TUNAR: variants seen among roughly 807,000 people sequenced by gnomAD.
The protein encoded by TUNAR is protein TUNAR.
intron 2 of TUNAR, among the ~76,000 whole-genome samples, chr14:95,921,793 T>G (rs1169173866): frequency 6.6e-6 from 1 of 152,250 alleles, no homozygotes; most frequent in East Asian, 1.9e-4. Context: ...AATAGATGAC[T>G]TGGTTTTGCC....
At chr14:95,911,412 C>T (rs192465192) in intron 2 of TUNAR, among the ~76,000 whole-genome samples, 3 of 152,270 alleles carry the variant, frequency 2.0e-5, no homozygotes, top group Admixed American at 1.3e-4. Flanking sequence ...TTGTGTTTTC[C>T]GTTCACTGGG....
chr14:95,896,287 G>A (rs1889267780), intron 2 of TUNAR, among the ~76,000 whole-genome samples: 1 of 152,198 alleles, frequency 6.6e-6, no homozygotes, highest in Admixed American at 6.5e-5. Context: ...CAGGCAGGGT[G>A]TCAGGGTGTC....
chr14:95,904,237 G>C (rs916340164), intron 2 of TUNAR, among the ~76,000 whole-genome samples: 1 of 152,190 alleles, frequency 6.6e-6, no homozygotes, highest in Non-Finnish European at 1.5e-5. Flanking sequence ...GGCTCCTGTG[G>C]GGGGGCCTGG....
chr14:95,891,007 C>T (rs1003263115), intron 2 of TUNAR, among the ~76,000 whole-genome samples: 11 of 152,242 alleles, frequency 7.2e-5, no homozygotes, highest in Middle Eastern at 6.8e-3. Context: ...AGAATCGACC[C>T]GTGTCTGGAG....
chr14:95,919,944 C>G (rs1052719606), intron 2 of TUNAR, among the ~76,000 whole-genome samples: 2 of 151,926 alleles, frequency 1.3e-5, no homozygotes, highest in Non-Finnish European at 2.9e-5. Context: ...TATGCTTGCC[C>G]GAATATATAT....
intron 2 of TUNAR, among the ~76,000 whole-genome samples, chr14:95,882,157 A>C (rs191335166): frequency 1.0e-3 from 154 of 152,354 alleles, no homozygotes; most frequent in Non-Finnish European, 1.9e-3. Context: ...TTGGTAAATG[A>C]GGAATAACAT....
chr14:95,919,013 T>C (rs1419356677), intron 2 of TUNAR, among the ~76,000 whole-genome samples: 1 of 152,170 alleles, frequency 6.6e-6, no homozygotes, highest in Non-Finnish European at 1.5e-5. Flanking sequence ...TTGCAGTCTT[T>C]CTAAGACGAC....
intron 2 of TUNAR, among the ~76,000 whole-genome samples, chr14:95,903,024 C>T (rs1313954425): frequency 6.6e-6 from 1 of 152,114 alleles, no homozygotes; most frequent in Non-Finnish European, 1.5e-5. Context: ...ATGATTGTTT[C>T]CCATTGAATC....
chr14:95,906,382 A>G (rs1385462791), intron 2 of TUNAR, among the ~76,000 whole-genome samples: 1 of 152,256 alleles, frequency 6.6e-6, no homozygotes, highest in Non-Finnish European at 1.5e-5. Context: ...CTAGTCCAAC[A>G]TCACAAGGCT....
chr14:95,905,078 G>T (rs921522442), intron 2 of TUNAR, among the ~76,000 whole-genome samples: 6 of 152,164 alleles, frequency 3.9e-5, no homozygotes, highest in Admixed American at 3.3e-4. Flanking sequence ...TGGTGGTTTG[G>T]TCTAAGTGTT....
chr14:95,882,032 C>T (rs1481565694), intron 2 of TUNAR, among the ~76,000 whole-genome samples: 1 of 152,200 alleles, frequency 6.6e-6, no homozygotes, highest in Admixed American at 6.5e-5. Context: ...CCAAAAGCTT[C>T]AAGTTTGTTG....
At chr14:95,906,737 C>T (rs77315258) in intron 2 of TUNAR, among the ~76,000 whole-genome samples, 2,847 of 152,246 alleles carry the variant, frequency 0.019, 105 homozygotes, top group East Asian at 0.13. Context: ...GGTTTCCTTC[C>T]GGTCTTGGTA....
At chr14:95,904,476 G>A (rs1481786155) in intron 2 of TUNAR, among the ~76,000 whole-genome samples, 1 of 152,184 alleles carries the variant, frequency 6.6e-6, no homozygotes, top group Non-Finnish European at 1.5e-5. Context: ...AGGCAACCAG[G>A]CAGGTGCAGG....
chr14:95,923,465 T>C (rs76433196), exon 3 of TUNAR: 1 of 152,518 alleles, frequency 6.6e-6, no homozygotes, highest in Admixed American at 6.5e-5. Flanking sequence ...TATTTGATAC[T>C]GGGGAGATAA....
Position 95,922,776 on chromosome 14 carries a change from T to G in TUNAR, c.13-5T>G. 2.5e-6 allele frequency: 1 copy of G among 398,968 alleles called. No individual in the cohort carries two copies. The highest frequency in any genetic ancestry group is 3.6e-5 in the East Asian group (1 of 28,074). The allele number at this position is 398,968 out of a possible 1,614,324, so 24.7% of individuals were successfully genotyped here. A position where few individuals can be genotyped will look rare whatever the true frequency, so the allele number is the denominator to read the frequency against. Reference sequence around the variant, plus strand: ...ATCTTTTGTGCTGCCTCTTTCCAATTACAGGTTAGCCTGGCAAGGAAGATA... The same window carrying G: ...ATCTTTTGTGCTGCCTCTTTCCAATGACAGGTTAGCCTGGCAAGGAAGATA... On this transcript the variant is annotated splice_region_variant and splice_polypyrimidine_tract_variant and intron_variant, in intron 2 of 2. Transcript: ENST00000678517.
At chr14:95,887,205 C>T (rs1292884570) in intron 2 of TUNAR, among the ~76,000 whole-genome samples, 1 of 152,128 alleles carries the variant, frequency 6.6e-6, no homozygotes. Context: ...TAAGCCAAAC[C>T]ATCTCATGAG....
chr14:95,903,665 A>G (rs1448950786), intron 2 of TUNAR, among the ~76,000 whole-genome samples: 1 of 152,240 alleles, frequency 6.6e-6, no homozygotes, highest in East Asian at 1.9e-4. Flanking sequence ...AAGCCAGTCT[A>G]AAACTTAGTG....
At chr14:95,886,773 C>G (rs767572752) in intron 2 of TUNAR, among the ~76,000 whole-genome samples, 1 of 152,178 alleles carries the variant, frequency 6.6e-6, no homozygotes, top group Admixed American at 6.5e-5. Context: ...ATCCCTGAGG[C>G]CGGCCAATGC....
At position 95,906,867 on chromosome 14, in the gene TUNAR, C is replaced by T. The variant is rs1443041741; in HGVS notation, c.13-15914C>T. On this transcript the variant is annotated intron_variant, in intron 2 of 2. Coordinates refer to ENST00000678517, the Ensembl canonical transcript of TUNAR. The stretch of plus-strand genomic sequence containing the variant: ...ATCACTTCCTCCCCATCCTCGCCAT[C>T]GTGATCCTACCCCACTCTTCTCTGC... Among the ~76,000 whole-genome samples, 5 of 152,380 alleles carry T rather than the reference C, an allele frequency of 3.3e-5. No homozygotes were observed. The East Asian group carries it at 7.7e-4, about 23-fold the overall frequency.
Sources: gnomAD v4.1 joint callset for allele counts (sites outside exome capture counted in the v4.1 genomes callset) on GRCh38, gnomAD v4.1.1 for gene constraint, MANE v1.5 for transcripts, NCBI Gene and HGNC (gene_info 2026-07-23, HGNC 2026-07-21) for gene names.